Variants in PEPD observed in about 807,000 individuals in gnomAD.
The protein encoded by PEPD is xaa-Pro dipeptidase.
A neutral mutation model predicts 60.7 loss-of-function variants in PEPD; 53 were observed. The ratio of observed to expected loss-of-function variants is 0.87; its 90% CI spans 0.70 to 1.10. The LOEUF (loss-of-function observed/expected upper bound fraction) is 1.10, where lower values mean the gene tolerates loss of function less well. Among genes scored for constraint, PEPD ranks in the 50% least tolerant of loss-of-function variants. PEPD has a pLI of 0.00. For missense variants in PEPD, 711 were observed against 711.9 expected, an observed-to-expected ratio of 1.00 and a Z score of 0.01; for synonymous variants, 267 against 284.1, an observed-to-expected ratio of 0.94 and a Z score of 0.60.
intron 3 of PEPD, among the ~76,000 whole-genome samples, chr19:33,508,043 C>A (rs1381447300): frequency 6.6e-6 from 1 of 151,958 alleles, no homozygotes; most frequent in Non-Finnish European, 1.5e-5. Flanking sequence ...TGTTGGAAAC[C>A]CCTGGAAACC....
At chr19:33,481,397 T>G (rs1970311274) in intron 6 of PEPD, among the ~76,000 whole-genome samples, 1 of 121,782 alleles carries the variant, frequency 8.2e-6, no homozygotes, top group African/African-American at 3.7e-5. Flanking sequence ...CAAAACCCCA[T>G]CTCTACGAAA....
chr19:33,436,621 T>A (rs1016440058), intron 9 of PEPD, among the ~76,000 whole-genome samples: 1 of 152,202 alleles, frequency 6.6e-6, no homozygotes, highest in African/African-American at 2.4e-5. Flanking sequence ...TCCACCTTTA[T>A]GGGAAAATCA....
chr19:33,394,020 G>A (rs958966966), intron 12 of PEPD, among the ~76,000 whole-genome samples: 4 of 152,232 alleles, frequency 2.6e-5, no homozygotes, highest in African/African-American at 7.2e-5. Flanking sequence ...GCCTGCAGCC[G>A]TCCCCTGGAC....
chr19:33,451,702 A>G lies in PEPD; in HGVS notation c.671+11293T>C, dbSNP rs541908139. Among the ~76,000 whole-genome samples the G allele has an allele frequency of 1.5e-3, 228 of 152,382 alleles. 1 individual carries two copies. Among genetic ancestry groups the G allele is most frequent in the Non-Finnish European group, 2.6e-3 (177 of 68,038 alleles). On this transcript the variant is annotated intron_variant, in intron 9 of 14. Coordinates refer to ENST00000244137, the MANE Select transcript of PEPD (RefSeq NM_000285.4). ...TTAAAAAGTTAAAAATACAGGGATA[A>G]GCAAAGATATGCCAGGAAAATGTAA...
chr19:33,479,408 CTT>C (rs879353300), intron 6 of PEPD, among the ~76,000 whole-genome samples: 1 of 141,682 alleles, frequency 7.1e-6, no homozygotes. Context: ...CGAATGAATT[CTT>C]TTTTTTTTTT....
At chr19:33,518,996 G>T (rs1191202695) in intron 1 of PEPD, among the ~76,000 whole-genome samples, 5 of 152,202 alleles carry the variant, frequency 3.3e-5, no homozygotes, top group Non-Finnish European at 7.3e-5. Flanking sequence ...GAGTGTGCAA[G>T]GGAAGAAGGG....
At chr19:33,437,981 A>T (rs1969411563) in intron 9 of PEPD, among the ~76,000 whole-genome samples, 2 of 152,236 alleles carry the variant, frequency 1.3e-5, no homozygotes, top group South Asian at 4.1e-4. Flanking sequence ...AAGGGACAGA[A>T]AAAACAATGC....
intron 7 of PEPD, 136 bp from the exon 8 acceptor site, chr19:33,464,198 A>T (rs1969979219): frequency 2.8e-6 from 2 of 713,228 alleles, no homozygotes; most frequent in Non-Finnish European, 5.1e-6. Flanking sequence ...GAGTGGGGCC[A>T]CCAAGGCCCA....
intron 12 of PEPD, among the ~76,000 whole-genome samples, chr19:33,398,013 C>T (rs1227171857): frequency 1.3e-5 from 2 of 152,222 alleles, no homozygotes; most frequent in Non-Finnish European, 2.9e-5. Flanking sequence ...GCAGGCTTTC[C>T]TGCAGGTGAG....
chr19:33,492,518 G>A (rs111522530), intron 5 of PEPD, among the ~76,000 whole-genome samples: 1 of 152,114 alleles, frequency 6.6e-6, no homozygotes. Flanking sequence ...ATCACCTCAA[G>A]CATTTATCCT....
At chr19:33,501,187 G>C (rs1008772054) in intron 3 of PEPD, among the ~76,000 whole-genome samples, 186 bp from the exon 4 acceptor site, 1 of 152,156 alleles carries the variant, frequency 6.6e-6, no homozygotes, top group Non-Finnish European at 1.5e-5. Flanking sequence ...AAGGCCATTA[G>C]GCCATGGAGT....
At chr19:33,403,591 G>T (rs1477861290) in intron 11 of PEPD, among the ~76,000 whole-genome samples, 1 of 152,200 alleles carries the variant, frequency 6.6e-6, no homozygotes, top group African/African-American at 2.4e-5. Flanking sequence ...GGAGCCAGGG[G>T]GTGGAGGACC....
intron 11 of PEPD, among the ~76,000 whole-genome samples, chr19:33,408,779 A>G (rs368505642): frequency 6.6e-6 from 1 of 152,180 alleles, no homozygotes; most frequent in East Asian, 1.9e-4. Flanking sequence ...CTTAGGATGA[A>G]GCATCGTGGC....
At position 33,453,454 on chromosome 19, in the gene PEPD, T is replaced by C. The variant is rs568576306; in HGVS notation, c.671+9541A>G. ...GTGCCTTGCTTTCTTTTTTTAGAAA[T>C]TGAAGGTTTGTGGCAACCCTGCGTT... On this transcript the variant is annotated intron_variant, in intron 9 of 14. Coordinates refer to ENST00000244137, the MANE Select transcript of PEPD (RefSeq NM_000285.4). Among the ~76,000 whole-genome samples the C allele has an allele frequency of 1.6e-3, 243 of 152,354 alleles. 1 individual carries two copies. The highest frequency in any genetic ancestry group is 5.6e-3 in the African/African-American group (234 of 41,588).
At chr19:33,493,467 T>C in intron 4 of PEPD, 130 bp from the exon 5 acceptor site, 1 of 744,040 alleles carries the variant, frequency 1.3e-6, no homozygotes, top group Non-Finnish European at 2.4e-6. Flanking sequence ...ACGTGGGCGC[T>C]GCCCTCACCC....
At chr19:33,496,569 C>A (rs910658212) in intron 4 of PEPD, among the ~76,000 whole-genome samples, 1 of 152,214 alleles carries the variant, frequency 6.6e-6, no homozygotes, top group African/African-American at 2.4e-5. Flanking sequence ...TAAGGGAACA[C>A]GACGCGCTGT....
chr19:33,473,809 CAAGAA>C (rs1490383916), intron 7 of PEPD, among the ~76,000 whole-genome samples: 1 of 152,074 alleles, frequency 6.6e-6, no homozygotes, highest in South Asian at 2.1e-4. Context: ...CTACCCAGCA[CAAGAA>C]AAGAAATTAT....
At chr19:33,514,217 G>A (rs149861345) in intron 1 of PEPD, among the ~76,000 whole-genome samples, 21 of 152,256 alleles carry the variant, frequency 1.4e-4, no homozygotes, top group African/African-American at 3.6e-4. Context: ...CAGTGGGTGG[G>A]CACGGAGGTC....
At chr19:33,441,617 G>A (rs867646222) in intron 9 of PEPD, among the ~76,000 whole-genome samples, 6 of 152,154 alleles carry the variant, frequency 3.9e-5, no homozygotes, top group South Asian at 2.1e-4. Context: ...ATTTATGAGC[G>A]CCTGCTGTAT....
Sources: gnomAD v4.1 joint callset for allele counts (sites outside exome capture counted in the v4.1 genomes callset) on GRCh38, gnomAD v4.1.1 for gene constraint, MANE v1.5 for transcripts, NCBI Gene and HGNC (gene_info 2026-07-23, HGNC 2026-07-21) for gene names.